The following CALN1 variants were observed in gnomAD, a reference collection of about 807,000 sequenced individuals.
CALN1 encodes calcium-binding protein 8.
Under a neutral mutation model 30.6 loss-of-function variants are expected in CALN1, and 17 were observed. The observed-to-expected ratio is 0.56, with a 90% CI of 0.38 to 0.83. CALN1 has a LOEUF of 0.83. Ranked by LOEUF, CALN1 falls within the 40% of genes least tolerant of loss-of-function variation. CALN1 has a pLI of 0.00. For missense variants in CALN1, 291 were observed against 354.9 expected (o/e 0.82, Z 1.45); for synonymous variants, 156 against 131.4 (o/e 1.19, Z -1.28).
At chr7:72,454,109 G>A in the CALN1 span, among the ~76,000 whole-genome samples, 10 of 152,212 alleles carry the variant, frequency 6.6e-5, no homozygotes, top group Middle Eastern at 3.4e-3. Flanking sequence ...GTAAATGTCC[G>A]TACGTTTTAC....
Position 72,278,679 on chromosome 7 carries a change from T to A in CALN1, c.244+7A>T. On this transcript the variant is annotated splice_region_variant and intron_variant, in intron 3 of 6. Coordinates refer to ENST00000395275, the MANE Select transcript of CALN1 (RefSeq NM_031468.4). Reference sequence around the variant, plus strand: ...GGCCATCCCCCCAAACAGGGTAGGCTCCTTACCATCGAGCTCCTCCACGGA... The same window carrying A: ...GGCCATCCCCCCAAACAGGGTAGGCACCTTACCATCGAGCTCCTCCACGGA... The A allele has an allele frequency of 6.2e-7, 1 of 1,611,874 alleles. No individual in the cohort carries two copies. The highest frequency in any genetic ancestry group is 8.5e-7 in the Non-Finnish European group (1 of 1,178,244).
At chr7:71,822,437 G>A (rs577212586) in intron 5 of CALN1, among the ~76,000 whole-genome samples, 2 of 152,088 alleles carry the variant, frequency 1.3e-5, no homozygotes, top group Admixed American at 6.6e-5. Flanking sequence ...TAGTAGAGAC[G>A]GGATTTCTCC....
intron 4 of CALN1, among the ~76,000 whole-genome samples, chr7:72,091,348 A>C (rs1264337911): frequency 1.3e-5 from 2 of 152,154 alleles, no homozygotes; most frequent in Non-Finnish European, 1.5e-5. Context: ...CAAACAAACA[A>C]ACACCCCAGT....
intron 5 of CALN1, among the ~76,000 whole-genome samples, chr7:71,833,033 G>A (rs1278775876): frequency 6.6e-6 from 1 of 152,086 alleles, no homozygotes; most frequent in Non-Finnish European, 1.5e-5. Flanking sequence ...TTCATCCATG[G>A]GTTTTTGCCT....
chr7:72,199,283 C>CATCAATCA (rs369941868), intron 3 of CALN1, among the ~76,000 whole-genome samples: 2 of 152,016 alleles, frequency 1.3e-5, no homozygotes, highest in South Asian at 4.2e-4. Flanking sequence ...TCAAACAACA[C>CATCAATCA]ATCAATCAAT....
chr7:72,088,138 A>G (rs1438277222), intron 4 of CALN1, among the ~76,000 whole-genome samples: 2 of 152,204 alleles, frequency 1.3e-5, no homozygotes, highest in Non-Finnish European at 2.9e-5. Flanking sequence ...ACTGCGCTCC[A>G]GCCTGGGACA....
chr7:71,854,762 G>GT (rs1584377894), intron 5 of CALN1, among the ~76,000 whole-genome samples: 1 of 152,064 alleles, frequency 6.6e-6, no homozygotes, highest in Non-Finnish European at 1.5e-5. Flanking sequence ...TTCATTCACT[G>GT]TGAGTGTCTG....
chr7:72,358,948 G>C (rs1242444178), intron 2 of CALN1, among the ~76,000 whole-genome samples: 1 of 149,404 alleles, frequency 6.7e-6, no homozygotes, highest in Non-Finnish European at 1.5e-5. Context: ...TGGCTGACAA[G>C]GTGAGACTCT....
At chr7:72,098,711 A>T (rs1165912717) in intron 4 of CALN1, among the ~76,000 whole-genome samples, 1 of 151,720 alleles carries the variant, frequency 6.6e-6, no homozygotes, top group Non-Finnish European at 1.5e-5. Context: ...CCCTGCCTCT[A>T]TAAAAAATAA....
At chr7:72,126,427 G>C (rs1027242605) in intron 3 of CALN1, among the ~76,000 whole-genome samples, 8 of 131,494 alleles carry the variant, frequency 6.1e-5, no homozygotes, top group African/African-American at 1.6e-4. Flanking sequence ...CTTGTTGGCT[G>C]CTATAAACAT....
chr7:72,218,474 G>A (rs559883380), intron 3 of CALN1, among the ~76,000 whole-genome samples: 12 of 152,060 alleles, frequency 7.9e-5, no homozygotes, highest in Non-Finnish European at 1.8e-4. Flanking sequence ...TAAAATAACT[G>A]TGCTTTGGGT....
chr7:71,907,200 T>C (rs955127141), intron 5 of CALN1, among the ~76,000 whole-genome samples: 1 of 151,580 alleles, frequency 6.6e-6, no homozygotes, highest in Non-Finnish European at 1.5e-5. Flanking sequence ...ACTGTGCAAA[T>C]TGCTAAATCA....
chr7:72,131,411 G>A (rs1018522291), intron 3 of CALN1, among the ~76,000 whole-genome samples: 1 of 152,168 alleles, frequency 6.6e-6, no homozygotes, highest in African/African-American at 2.4e-5. Flanking sequence ...TAATTTGCAT[G>A]GTCCTCCAGT....
intron 5 of CALN1, among the ~76,000 whole-genome samples, chr7:71,836,221 T>A (rs1464922840): frequency 6.6e-6 from 1 of 152,168 alleles, no homozygotes; most frequent in African/African-American, 2.4e-5. Context: ...GGGTCAATGC[T>A]TCTTGTGATA....
chr7:72,214,876 T>A (rs9638639), intron 3 of CALN1, among the ~76,000 whole-genome samples: 3 of 151,306 alleles, frequency 2.0e-5, no homozygotes, highest in Admixed American at 6.6e-5. Flanking sequence ...GGTTGCACAC[T>A]CCTTATGAGG....
At chr7:71,943,361 T>C (rs1274078502) in intron 5 of CALN1, among the ~76,000 whole-genome samples, 2 of 152,348 alleles carry the variant, frequency 1.3e-5, no homozygotes, top group Admixed American at 6.5e-5. Context: ...CACGCTGCCA[T>C]ATGCTAAATG....
chr7:72,297,416 T>C (rs1798940518), intron 2 of CALN1, among the ~76,000 whole-genome samples: 2 of 152,156 alleles, frequency 1.3e-5, no homozygotes, highest in South Asian at 2.1e-4. Context: ...ACAGGTTTAT[T>C]AAAACAAATA....
At chr7:72,386,671 T>C (rs956485449) in intron 2 of CALN1, among the ~76,000 whole-genome samples, 1 of 152,084 alleles carries the variant, frequency 6.6e-6, no homozygotes, top group African/African-American at 2.4e-5. Context: ...GTTATCACTC[T>C]TTCACCCAAT....
At chr7:72,319,636 T>A (rs1489701610) in intron 2 of CALN1, among the ~76,000 whole-genome samples, 1 of 152,108 alleles carries the variant, frequency 6.6e-6, no homozygotes, top group Non-Finnish European at 1.5e-5. Flanking sequence ...TATCTGTAAG[T>A]GAAATAAGTC....
Sources: gnomAD v4.1 joint callset for allele counts (sites outside exome capture counted in the v4.1 genomes callset) on GRCh38, gnomAD v4.1.1 for gene constraint, MANE v1.5 for transcripts, NCBI Gene and HGNC (gene_info 2026-07-23, HGNC 2026-07-21) for gene names.